The following MGRN1 variants were observed in gnomAD, a reference collection of about 807,000 sequenced individuals.
The protein encoded by MGRN1 is mahogunin ring finger 1.
Under a neutral mutation model 69.2 loss-of-function variants are expected in MGRN1, and 29 were observed. The ratio of observed to expected loss-of-function variants is 0.42; its 90% CI spans 0.31 to 0.57. The LOEUF (loss-of-function observed/expected upper bound fraction) is 0.57, where lower values mean the gene tolerates loss of function less well. Among genes scored for constraint, MGRN1 ranks in the 20% least tolerant of loss-of-function variants. The pLI is 0.15. For synonymous variants in MGRN1, 470 were observed against 344.2 expected (o/e 1.37, Z -4.04); for missense variants, 998 against 796.2 (o/e 1.25, Z -3.05).
In MGRN1 at chr16:4,671,337, G is replaced by C. The variant is rs2078932850; in HGVS notation, c.727-54G>C. On this transcript the variant is annotated intron_variant, in intron 8 of 16. Coordinates refer to ENST00000262370, the MANE Select transcript of MGRN1 (RefSeq NM_015246.4). ...AGGGCTAGGCCAGGTGGGTATGGAG[G>C]AGCCCTCATATGGCAGTTGGCGAGG... 3 of 1,571,212 alleles carry C rather than the reference G, an allele frequency of 1.9e-6. No individual in the cohort carries two copies. In the African/African-American group the frequency reaches 4.1e-5, roughly 21 times the overall value.
At chr16:4,650,608 G>A in intron 2 of MGRN1, 125 bp downstream of exon 2, 1 of 744,582 alleles carries the variant, frequency 1.3e-6, no homozygotes, top group Non-Finnish European at 2.2e-6. Flanking sequence ...AGAGCTCCTG[G>A]CAGGATTCCA....
At chr16:4,684,318 A>G (rs1020648536) in intron 16 of MGRN1, among the ~76,000 whole-genome samples, 4 of 152,040 alleles carry the variant, frequency 2.6e-5, no homozygotes, top group Non-Finnish European at 5.9e-5. Flanking sequence ...ATGTTCCCCC[A>G]CTCCTGGTCC....
Position 4,678,240 on chromosome 16 carries a change from G to A in MGRN1, c.1065+668G>A, listed in dbSNP as rs751389724. Among the ~76,000 whole-genome samples the A allele has an allele frequency of 3.9e-5, 6 of 152,208 alleles. 1 individual carries two copies. Among genetic ancestry groups the A allele is most frequent in the Admixed American group, 3.3e-4 (5 of 15,284 alleles). ...TCCTCCCACGCTCCAGGCCCACCAG[G>A]CGCCCTCAGTGGGGACCTTAAGGGC... On this transcript the variant is annotated intron_variant, in intron 11 of 16. Coordinates refer to ENST00000262370, the MANE Select transcript of MGRN1 (RefSeq NM_015246.4).
chr16:4,631,655 C>A (rs1898006571), intron 1 of MGRN1, among the ~76,000 whole-genome samples: 1 of 152,236 alleles, frequency 6.6e-6, no homozygotes, highest in African/African-American at 2.4e-5. Flanking sequence ...GTTGTGAAAT[C>A]AGGTAGCATA....
intron 16 of MGRN1, among the ~76,000 whole-genome samples, chr16:4,685,355 C>G (rs938635939): frequency 3.9e-5 from 6 of 152,226 alleles, no homozygotes; most frequent in African/African-American, 1.4e-4. Context: ...GGGACAGCTA[C>G]AGAGGAGGCC....
intron 1 of MGRN1, among the ~76,000 whole-genome samples, chr16:4,638,969 A>G (rs1359618432): frequency 1.3e-5 from 2 of 152,078 alleles, no homozygotes. Context: ...CTTACTTCCC[A>G]TGGCTGACAG....
chr16:4,687,322 A>T (rs1315451733), intron 16 of MGRN1: 22 of 976,026 alleles, frequency 2.3e-5, no homozygotes, highest in Non-Finnish European at 2.7e-5. Context: ...GACCGAGGGG[A>T]TAGATCACTT....
intron 5 of MGRN1, among the ~76,000 whole-genome samples, chr16:4,662,506 A>G (rs1374635137): frequency 1.3e-5 from 2 of 148,258 alleles, no homozygotes; most frequent in Non-Finnish European, 1.5e-5. Context: ...ACAGATCAAG[A>G]CTCTGTCTCA....
At chr16:4,646,401 C>T (rs1240813702) in intron 1 of MGRN1, among the ~76,000 whole-genome samples, 2 of 151,276 alleles carry the variant, frequency 1.3e-5, no homozygotes, top group Non-Finnish European at 2.9e-5. Flanking sequence ...CCAACCTCGG[C>T]GACAGAGCAA....
rs537626972 is a variant in MGRN1, at chr16:4,677,460, C to T, written c.956-3C>T. 76 of 1,548,024 alleles carry T rather than the reference C, an allele frequency of 4.9e-5. No individual in the cohort carries two copies. The African/African-American group carries it at 9.5e-4, about 19-fold the overall frequency. On this transcript the variant is annotated splice_region_variant and splice_polypyrimidine_tract_variant and intron_variant, in intron 10 of 16. Transcript: ENST00000262370. ...CCTGATCTGAGCCCTCCTTCTGCCG[C>T]AGCTTTCCGGGCCCTCCTGCAGATC... is the stretch of plus-strand genomic sequence containing the variant.
intron 8 of MGRN1, among the ~76,000 whole-genome samples, chr16:4,669,437 A>G (rs2078890831): frequency 6.6e-6 from 1 of 151,050 alleles, no homozygotes; most frequent in African/African-American, 2.4e-5. Flanking sequence ...GTGTCAAAAA[A>G]AAAAAAAAAA....
rs1456899723 is a variant in MGRN1, at chr16:4,689,796, A to C, written c.*888A>C. 5.2e-5 allele frequency: 7 copies of C among 135,918 alleles called. No homozygotes were observed. Among genetic ancestry groups the C allele is most frequent in the Admixed American group, 1.5e-4 (2 of 13,266 alleles). The allele number at this position is 135,918 out of a possible 1,614,324, so 8.4% of individuals were successfully genotyped here. Reference sequence around the variant, plus strand: ...TTTTTTTTTTTTGAGATGGAGTTTCACTCTTGCTGCCCAGGCTGGAGTGCA... The same window carrying C: ...TTTTTTTTTTTTGAGATGGAGTTTCCCTCTTGCTGCCCAGGCTGGAGTGCA... On this transcript the variant is annotated 3_prime_UTR_variant, in exon 17 of 17. Coordinates refer to ENST00000262370, the MANE Select transcript of MGRN1 (RefSeq NM_015246.4).
At chr16:4,629,906 C>G (rs931930395) in intron 1 of MGRN1, among the ~76,000 whole-genome samples, 2 of 151,142 alleles carry the variant, frequency 1.3e-5, no homozygotes, top group Non-Finnish European at 2.9e-5. Context: ...ATGAGCTGGA[C>G]GCAATGGCGC....
chr16:4,652,610 A>G, intron 3 of MGRN1, 68 bp from the exon 4 acceptor site: 1 of 1,531,202 alleles, frequency 6.5e-7, no homozygotes, highest in Non-Finnish European at 8.8e-7. Context: ...TCAGCCTGGC[A>G]GGGGAGGAGG....
At chr16:4,671,198 T>A in intron 8 of MGRN1, 193 bp from the exon 9 acceptor site, 1 of 608,224 alleles carries the variant, frequency 1.6e-6, no homozygotes. Flanking sequence ...CCAGCCCTGT[T>A]CCAGGTGCTG....
intron 1 of MGRN1, among the ~76,000 whole-genome samples, chr16:4,640,957 C>T (rs768110007): frequency 7.9e-5 from 12 of 152,340 alleles, no homozygotes; most frequent in Non-Finnish European, 1.6e-4. Flanking sequence ...GTCTGCCCCT[C>T]TTTCCTTGGG....
At chr16:4,642,502 T>TG (rs1555448435) in intron 1 of MGRN1, among the ~76,000 whole-genome samples, 3 of 127,692 alleles carry the variant, frequency 2.3e-5, no homozygotes, top group East Asian at 2.0e-4. Flanking sequence ...GTGTGTGTGT[T>TG]TTTAGTAGAG....
At position 4,671,476 on chromosome 16, in the gene MGRN1, G is replaced by A; in HGVS notation, c.795+17G>A. On this transcript the variant is annotated intron_variant, in intron 9 of 16. Transcript: ENST00000262370. ...GAGACCAAGGTGTGTATCTGGGTGAGGTTTCCCTCTGCCATTACAGAAGCC... is the reference window on the plus strand; with the variant it reads ...GAGACCAAGGTGTGTATCTGGGTGAAGTTTCCCTCTGCCATTACAGAAGCC... The A allele has an allele frequency of 5.0e-6, 8 of 1,612,896 alleles. No homozygotes were observed. Among genetic ancestry groups the A allele is most frequent in the Non-Finnish European group, 6.8e-6 (8 of 1,178,902 alleles).
chr16:4,682,214 C>G (rs886921060), intron 13 of MGRN1, among the ~76,000 whole-genome samples: 3 of 152,236 alleles, frequency 2.0e-5, no homozygotes, highest in Non-Finnish European at 2.9e-5. Flanking sequence ...ACTCACTGCT[C>G]TTGCCGTTCG....
Sources: gnomAD v4.1 joint callset for allele counts (sites outside exome capture counted in the v4.1 genomes callset) on GRCh38, gnomAD v4.1.1 for gene constraint, MANE v1.5 for transcripts, NCBI Gene and HGNC (gene_info 2026-07-23, HGNC 2026-07-21) for gene names.